Variants in ADCK1 observed in about 807,000 individuals in gnomAD.
ADCK1 encodes the protein aarF domain-containing protein kinase 1.
Under a neutral mutation model 52.3 loss-of-function variants are expected in ADCK1, and 41 were observed. The ratio of observed to expected loss-of-function variants is 0.78; its 90% CI spans 0.61 to 1.02. The LOEUF is 1.02. ADCK1 is among the 50% of genes least tolerant of loss of function. The pLI, the probability that ADCK1 is intolerant of heterozygous loss-of-function variation, is 0.00. For synonymous variants in ADCK1, 250 were observed against 274.6 expected (o/e 0.91, Z 0.89); for missense variants, 658 against 679.5 (o/e 0.97, Z 0.35).
At chr14:77,820,663 TG>T (rs1289650370) in intron 2 of ADCK1, among the ~76,000 whole-genome samples, 2 of 151,672 alleles carry the variant, frequency 1.3e-5, no homozygotes, top group Non-Finnish European at 2.9e-5. Flanking sequence ...TGTGTGTGTG[TG>T]TGTGTATACA....
chr14:77,859,011 A>G, intron 3 of ADCK1, 65 bp from the exon 4 acceptor site: 1 of 1,447,766 alleles, frequency 6.9e-7, no homozygotes, highest in Non-Finnish European at 9.3e-7. Flanking sequence ...AGGAAGGTGA[A>G]GGGAACAAGG....
intron 7 of ADCK1, among the ~76,000 whole-genome samples, chr14:77,921,517 C>T (rs1042459178): frequency 1.3e-5 from 2 of 151,964 alleles, no homozygotes; most frequent in East Asian, 3.9e-4. Flanking sequence ...GGAACTTGGA[C>T]CCAGACTGAG....
intron 4 of ADCK1, among the ~76,000 whole-genome samples, chr14:77,871,004 G>A (rs1280582167): frequency 6.6e-6 from 1 of 152,214 alleles, no homozygotes; most frequent in East Asian, 1.9e-4. Context: ...CTGGGAGAGG[G>A]GATGGCTTTT....
chr14:77,921,061 T>C (rs1246413537), intron 7 of ADCK1, among the ~76,000 whole-genome samples: 1 of 149,648 alleles, frequency 6.7e-6, no homozygotes, highest in Non-Finnish European at 1.5e-5. Context: ...GCGCGGTGGC[T>C]CACGCCTGTA....
chr14:77,887,441 G>A (rs898671457), intron 5 of ADCK1, among the ~76,000 whole-genome samples, 192 bp downstream of exon 5: 4 of 152,088 alleles, frequency 2.6e-5, no homozygotes, highest in Admixed American at 2.6e-4. Flanking sequence ...GTGGCAGCAT[G>A]GGTTAGTTCT....
chr14:77,883,220 AG>A (rs2083072769), intron 4 of ADCK1, among the ~76,000 whole-genome samples: 1 of 152,026 alleles, frequency 6.6e-6, no homozygotes, highest in South Asian at 2.1e-4. Context: ...GGGGAAAAAA[AG>A]AAATGGGGAA....
intron 3 of ADCK1, among the ~76,000 whole-genome samples, chr14:77,824,465 G>A (rs867080162): frequency 2.0e-4 from 25 of 124,470 alleles, no homozygotes; most frequent in African/African-American, 6.8e-4. Context: ...ATGGAGTCTT[G>A]CTCTGTTGCC....
chr14:77,850,026 G>C (rs1198901354), intron 3 of ADCK1, among the ~76,000 whole-genome samples: 1 of 151,980 alleles, frequency 6.6e-6, no homozygotes, highest in South Asian at 2.1e-4. Flanking sequence ...GCAACATAGT[G>C]AGACCCTGAC....
chr14:77,818,515 C>T (rs937763932), intron 1 of ADCK1, among the ~76,000 whole-genome samples: 8 of 152,150 alleles, frequency 5.3e-5, no homozygotes, highest in African/African-American at 7.2e-5. Context: ...CTCCTGGACT[C>T]GAGTGATCTG....
At chr14:77,886,957 ACACT>A in intron 4 of ADCK1, 130 bp from the exon 5 acceptor site, 5 of 972,948 alleles carry the variant, frequency 5.1e-6, no homozygotes, top group South Asian at 3.9e-5. Context: ...ACACACACAC[ACACT>A]CTCTCTCTCT....
chr14:77,868,246 G>C (rs2082703636), intron 4 of ADCK1, among the ~76,000 whole-genome samples: 1 of 152,176 alleles, frequency 6.6e-6, no homozygotes, highest in Non-Finnish European at 1.5e-5. Flanking sequence ...CTTGCTTAAT[G>C]ACACAACTGG....
chr14:77,822,616 C>T (rs1233502796), intron 3 of ADCK1, 98 bp downstream of exon 3: 1 of 1,095,500 alleles, frequency 9.1e-7, no homozygotes, highest in Non-Finnish European at 1.4e-6. Flanking sequence ...CCGCAAAGTG[C>T]TGGGATTAAA....
chr14:77,849,978 T>C (rs888726599), intron 3 of ADCK1, among the ~76,000 whole-genome samples: 1 of 151,926 alleles, frequency 6.6e-6, no homozygotes, highest in Admixed American at 6.6e-5. Context: ...GGCCAGGAGA[T>C]TGAGACCAGC....
intron 3 of ADCK1, among the ~76,000 whole-genome samples, chr14:77,844,602 T>C (rs949712751): frequency 1.3e-5 from 2 of 151,930 alleles, no homozygotes; most frequent in East Asian, 1.9e-4. Context: ...GTAACTCAGA[T>C]TGGGCGTTGG....
chr14:77,827,139 G>A (rs1040495887), intron 3 of ADCK1, among the ~76,000 whole-genome samples: 1 of 151,578 alleles, frequency 6.6e-6, no homozygotes, highest in Non-Finnish European at 1.5e-5. Flanking sequence ...GGATCACGAG[G>A]TCAAGAGATC....
chr14:77,878,151 C>T (rs532285893), intron 4 of ADCK1, among the ~76,000 whole-genome samples: 7 of 152,344 alleles, frequency 4.6e-5, no homozygotes, highest in South Asian at 2.1e-4. Flanking sequence ...GCTGTAACTC[C>T]GGAGGCTGGT....
chr14:77,865,672 C>T (rs959743852), intron 4 of ADCK1, among the ~76,000 whole-genome samples: 1 of 152,206 alleles, frequency 6.6e-6, no homozygotes, highest in African/African-American at 2.4e-5. Flanking sequence ...TCATAGCGAG[C>T]CTTGGCGGTA....
At chr14:77,853,826 C>T (rs2082363000) in intron 3 of ADCK1, among the ~76,000 whole-genome samples, 1 of 152,170 alleles carries the variant, frequency 6.6e-6, no homozygotes, top group South Asian at 2.1e-4. Flanking sequence ...GTACAGCTCT[C>T]TCCTCACTGC....
At chr14:77,859,821 G>C (rs1284371657) in intron 4 of ADCK1, among the ~76,000 whole-genome samples, 1 of 152,222 alleles carries the variant, frequency 6.6e-6, no homozygotes, top group Admixed American at 6.5e-5. Context: ...ACCTGATGTA[G>C]AGCAAGTGCT....
Sources: allele counts gnomAD v4.1 joint callset (sites outside exome capture counted in the v4.1 genomes callset), GRCh38; gene constraint gnomAD v4.1.1; transcripts MANE v1.5; gene names NCBI Gene and HGNC (gene_info 2026-07-23, HGNC 2026-07-21).